Variants in LAMA2 observed in about 807,000 individuals in gnomAD.
LAMA2 encodes the protein laminin subunit alpha-2.
In LAMA2, 269 loss-of-function variants were observed where a neutral mutation model predicts 364.8. That is an observed-to-expected ratio of 0.74 (90% confidence interval 0.67 to 0.82). The LOEUF (loss-of-function observed/expected upper bound fraction) is 0.82. Ranked by LOEUF, LAMA2 falls within the 40% of genes least tolerant of loss-of-function variation. The pLI, the probability that LAMA2 is intolerant of heterozygous loss-of-function variation, is 0.00. For missense variants in LAMA2, 3,807 were observed against 3,873.2 expected, an observed-to-expected ratio of 0.98 and a Z score of 0.45; for synonymous variants, 1,379 against 1,370.6, an observed-to-expected ratio of 1.01 and a Z score of -0.14.
chr6:129,073,664 T>C (rs1328368145), intron 3 of LAMA2, among the ~76,000 whole-genome samples: 1 of 152,208 alleles, frequency 6.6e-6, no homozygotes, highest in African/African-American at 2.4e-5. Flanking sequence ...TTCTATTACA[T>C]ACATTTACTG....
intron 18 of LAMA2, among the ~76,000 whole-genome samples, chr6:129,285,486 A>C (rs868451129): frequency 6.6e-6 from 1 of 152,262 alleles, no homozygotes; most frequent in Middle Eastern, 3.4e-3. Context: ...ATTGCTATCT[A>C]AGTTAAGAAA....
intron 33 of LAMA2, among the ~76,000 whole-genome samples, chr6:129,366,901 G>A (rs1436359358): frequency 1.3e-5 from 2 of 152,178 alleles, no homozygotes; most frequent in Non-Finnish European, 2.9e-5. Context: ...AGCATCACTT[G>A]ACAAGTTTAT....
chr6:129,233,948 G>A (rs1023830503), intron 12 of LAMA2, among the ~76,000 whole-genome samples: 1 of 152,160 alleles, frequency 6.6e-6, no homozygotes, highest in African/African-American at 2.4e-5. Context: ...GAAAAATGTT[G>A]TGAGACAAAT....
intron 18 of LAMA2, among the ~76,000 whole-genome samples, chr6:129,287,307 TATTA>T (rs892103627): frequency 6.6e-6 from 1 of 152,016 alleles, no homozygotes; most frequent in Non-Finnish European, 1.5e-5. Context: ...ACAAATAGAT[TATTA>T]ATTCAGATAT....
intron 64 of LAMA2, among the ~76,000 whole-genome samples, chr6:129,515,385 G>T (rs931044206): frequency 1.3e-5 from 2 of 152,174 alleles, no homozygotes; most frequent in Non-Finnish European, 2.9e-5. Context: ...TTCCAAAGTG[G>T]CTTCTGTGTT....
chr6:129,446,505 AAGGGGAGGAG>A (rs1782380661), intron 45 of LAMA2, among the ~76,000 whole-genome samples: 6 of 88,598 alleles, frequency 6.8e-5, no homozygotes, highest in East Asian at 4.3e-4. Context: ...GAAGTAAGGG[AAGGGGAGGAG>A]AGGGGAGGGG....
chr6:128,965,469 A>T (rs1485988372), intron 1 of LAMA2, among the ~76,000 whole-genome samples: 1 of 152,056 alleles, frequency 6.6e-6, no homozygotes, highest in Non-Finnish European at 1.5e-5. Context: ...AACATGAACT[A>T]TCTTATTTAA....
intron 49 of LAMA2, among the ~76,000 whole-genome samples, chr6:129,462,252 A>G (rs1783291164): frequency 6.6e-6 from 1 of 152,006 alleles, no homozygotes; most frequent in Non-Finnish European, 1.5e-5. Flanking sequence ...CAGCATAATC[A>G]TGTTTTTTTT....
At chr6:128,902,642 T>G (rs1777159952) in intron 1 of LAMA2, among the ~76,000 whole-genome samples, 1 of 152,138 alleles carries the variant, frequency 6.6e-6, no homozygotes, top group South Asian at 2.1e-4. Context: ...AGGTAGGGTA[T>G]CAAAAGTAGG....
intron 1 of LAMA2, among the ~76,000 whole-genome samples, chr6:128,901,593 G>A (rs1468790146): frequency 6.6e-6 from 1 of 152,316 alleles, no homozygotes; most frequent in East Asian, 1.9e-4. Flanking sequence ...CCAGCATGGT[G>A]AAAAAGGAAG....
intron 33 of LAMA2, among the ~76,000 whole-genome samples, chr6:129,366,774 A>G (rs980424213): frequency 2.0e-5 from 3 of 152,232 alleles, no homozygotes; most frequent in African/African-American, 7.2e-5. Context: ...CAACAAGAAT[A>G]GGATATTGAC....
At chr6:129,227,530 T>TAC (rs1222332552) in intron 12 of LAMA2, among the ~76,000 whole-genome samples, 1 of 152,224 alleles carries the variant, frequency 6.6e-6, no homozygotes, top group Non-Finnish European at 1.5e-5. Context: ...TTCTATTTGT[T>TAC]AGTTTTCCTT....
intron 3 of LAMA2, among the ~76,000 whole-genome samples, chr6:129,082,629 G>T (rs756699622): frequency 6.6e-6 from 1 of 151,936 alleles, no homozygotes; most frequent in Non-Finnish European, 1.5e-5. Context: ...TTTTAAATTT[G>T]TCTGTATTTT....
chr6:129,030,286 A>G, intron 1 of LAMA2, among the ~76,000 whole-genome samples: 1 of 152,032 alleles, frequency 6.6e-6, no homozygotes, highest in Non-Finnish European at 1.5e-5. Flanking sequence ...AAGTTCTATC[A>G]TATAATGTTC....
At chr6:128,957,836 AT>A (rs10652900) in intron 1 of LAMA2, among the ~76,000 whole-genome samples, 5,941 of 50,984 alleles carry the variant, frequency 0.12, 101 homozygotes, top group East Asian at 0.16. Context: ...TACTTCATGC[AT>A]TTTTTTTTTT....
intron 4 of LAMA2, among the ~76,000 whole-genome samples, chr6:129,109,609 G>C (rs963400113): frequency 2.7e-3 from 7 of 2,612 alleles, no homozygotes; most frequent in African/African-American, 3.2e-3. Context: ...TAGAAACTAG[G>C]GTTTTTAAAT....
chr6:129,502,669 C>T lies in LAMA2; in HGVS notation c.8255C>T (p.Ala2752Val). The T allele has an allele frequency of 1.2e-6, 2 of 1,612,850 alleles. No individual in the cohort carries two copies. The highest frequency in any genetic ancestry group is 1.1e-5 in the South Asian group (1 of 91,064). Residue 2752 changes from alanine (A) to valine (V), a missense_variant, in exon 59 of 65, where the codon GCT (alanine) becomes GTT (valine). By Grantham distance (64) the Ala-to-Val change is moderately conservative. Transcript: ENST00000421865. ...PTPVLTHGPCAAESEPALLIG... is the reference protein window; with the variant it reads ...PTPVLTHGPCVAESEPALLIG... Reference sequence around the variant, plus strand: ...CTGGGTATTTTACAGGGTCCTTGTGCTGCAGAATCAGAACCAGCTCTTTTG... The same window carrying T: ...CTGGGTATTTTACAGGGTCCTTGTGTTGCAGAATCAGAACCAGCTCTTTTG...
intron 1 of LAMA2, among the ~76,000 whole-genome samples, chr6:128,971,391 A>G (rs1782176903): frequency 6.6e-6 from 1 of 152,146 alleles, no homozygotes. Flanking sequence ...GAAACAAATG[A>G]ATAATTATAT....
chr6:129,304,499 G>A (rs1583454379), intron 22 of LAMA2, among the ~76,000 whole-genome samples: 4 of 152,170 alleles, frequency 2.6e-5, no homozygotes, highest in South Asian at 2.1e-4. Flanking sequence ...TCCTGACCTC[G>A]TGATCCGCCA....
Sources: gnomAD v4.1 joint callset for allele counts (sites outside exome capture counted in the v4.1 genomes callset) on GRCh38, gnomAD v4.1.1 for gene constraint, MANE v1.5 for transcripts, NCBI Gene and HGNC (gene_info 2026-07-23, HGNC 2026-07-21) for gene names.